Variants in SLC12A1 observed in about 807,000 individuals in gnomAD.
SLC12A1 encodes Na-K-2Cl cotransporter.
In SLC12A1, 89 loss-of-function variants were observed where a neutral mutation model predicts 130.4. The ratio of observed to expected loss-of-function variants is 0.68; its 90% confidence interval spans 0.58 to 0.81. SLC12A1 has a LOEUF of 0.81. SLC12A1 is among the 40% of genes least tolerant of loss of function. The pLI, the probability that SLC12A1 is intolerant of heterozygous loss-of-function variation, is 0.00. For synonymous variants in SLC12A1, 499 were observed against 460.0 expected (o/e 1.08, Z -1.09); for missense variants, 1,310 against 1,336.4 (o/e 0.98, Z 0.31).
intron 9 of SLC12A1, chr15:48,235,481 T>A (rs2041429675): frequency 5.3e-6 from 1 of 188,998 alleles, no homozygotes; most frequent in Non-Finnish European, 1.1e-5. Context: ...CCAGCAATAG[T>A]GGCCTAAACA....
rs2041931727 is a variant in SLC12A1, at chr15:48,274,645, A to G, written c.2477A>G (p.Gln826Arg). ...SQGFDISQVL[Q>R]VQEELERLEQ... ...GGATTTGACATCTCTCAGGTTCTTCAGGTGCAAGGTATGTACTTTCTTTAT... is the reference window on the plus strand; with the variant it reads ...GGATTTGACATCTCTCAGGTTCTTCGGGTGCAAGGTATGTACTTTCTTTAT... Residue 826 changes from glutamine (Q) to arginine (R), a missense_variant, in exon 20 of 27, where the codon CAG (glutamine) becomes CGG (arginine). Physicochemically the swap from Gln to Arg is conservative, Grantham distance 43 (BLOSUM62 1). Transcript: ENST00000380993. 2 of 1,608,720 alleles carry G rather than the reference A, an allele frequency of 1.2e-6. No individual in the cohort carries two copies. Among genetic ancestry groups the G allele is most frequent in the Admixed American group, 1.7e-5 (1 of 59,954 alleles).
intron 25 of SLC12A1, among the ~76,000 whole-genome samples, chr15:48,299,595 TG>T (rs1374621329): frequency 1.3e-5 from 2 of 152,242 alleles, no homozygotes; most frequent in African/African-American, 4.8e-5. Flanking sequence ...TGAGTCAATA[TG>T]TGTGCAAAGT....
intron 11 of SLC12A1, among the ~76,000 whole-genome samples, chr15:48,245,704 A>G (rs2041570771): frequency 6.6e-6 from 1 of 152,164 alleles, no homozygotes; most frequent in Non-Finnish European, 1.5e-5. Context: ...TGTCTTTGCT[A>G]TTGTGAATAG....
intron 2 of SLC12A1, among the ~76,000 whole-genome samples, chr15:48,219,353 C>G (rs905905712): frequency 6.6e-6 from 1 of 151,984 alleles, no homozygotes; most frequent in African/African-American, 2.4e-5. Flanking sequence ...GTCAAGAGAT[C>G]AGGACCATCC....
intron 26 of SLC12A1, among the ~76,000 whole-genome samples, 160 bp downstream of exon 26, chr15:48,301,542 G>A (rs1028832033): frequency 5.3e-5 from 8 of 149,820 alleles, no homozygotes; most frequent in African/African-American, 2.0e-4. Context: ...AGTGAAGGAA[G>A]GTAAGTGCCA....
In SLC12A1 at chr15:48,295,876, T is replaced by C. The variant is rs1237931853; in HGVS notation, c.2961-3264T>C. Among the ~76,000 whole-genome samples, 3 of 152,188 alleles carry C rather than the reference T, an allele frequency of 2.0e-5. 1 individual carries two copies. The highest frequency in any genetic ancestry group is 2.0e-4 in the Admixed American group (3 of 15,282). On this transcript the variant is annotated intron_variant, in intron 24 of 26. Transcript: ENST00000380993. ...CCATATCTGATGTTGGCAATGGCTG[T>C]TCCAATACCTGAAAGTAACCCTAAT...
intron 15 of SLC12A1, among the ~76,000 whole-genome samples, chr15:48,253,606 T>G (rs2041671744): frequency 6.6e-6 from 1 of 152,264 alleles, no homozygotes; most frequent in Non-Finnish European, 1.5e-5. Context: ...GATGGTCATC[T>G]GAGTTGTTTT....
chr15:48,216,045 T>C (rs1445904423), intron 2 of SLC12A1, among the ~76,000 whole-genome samples: 1 of 152,152 alleles, frequency 6.6e-6, no homozygotes, highest in African/African-American at 2.4e-5. Flanking sequence ...ACAAAAGAAG[T>C]ATACATTTGG....
intron 18 of SLC12A1, 71 bp downstream of exon 18, chr15:48,267,772 A>C (rs1024890788): frequency 6.5e-7 from 1 of 1,534,650 alleles, no homozygotes; most frequent in African/African-American, 1.4e-5. Context: ...AAGGCTCCCA[A>C]AGTGAACAGC....
rs8030553 is a variant in SLC12A1, at chr15:48,265,186, G to A, written c.2155-2375G>A. Among the ~76,000 whole-genome samples the A allele has an allele frequency of 5.1e-3, 774 of 152,192 alleles. 7 individuals are homozygous for A. The highest frequency in any genetic ancestry group is 0.045 in the Middle Eastern group (13 of 292). On this transcript the variant is annotated intron_variant, in intron 17 of 26. Transcript: ENST00000380993. ...AGTGTGCTACAATGATGTTATAATC[G>A]TTTTTAGCAAAGAGAGATTCTGCAT...
chr15:48,293,770 C>T (rs1244848768), intron 24 of SLC12A1, among the ~76,000 whole-genome samples: 1 of 152,146 alleles, frequency 6.6e-6, no homozygotes. Context: ...AACTGCAAGG[C>T]GCTGTGGCTC....
chr15:48,283,907 A>G (rs1355414652), intron 20 of SLC12A1, among the ~76,000 whole-genome samples: 1 of 151,918 alleles, frequency 6.6e-6, no homozygotes, highest in Non-Finnish European at 1.5e-5. Context: ...TAGCACTGTC[A>G]TATGACTGCT....
chr15:48,275,731 T>C (rs541646516), intron 20 of SLC12A1, among the ~76,000 whole-genome samples: 13 of 152,206 alleles, frequency 8.5e-5, no homozygotes, highest in Admixed American at 6.5e-4. Context: ...TGTTACTGAA[T>C]TGAAAAGTAG....
chr15:48,268,980 T>C (rs1050122479), intron 18 of SLC12A1, among the ~76,000 whole-genome samples: 1 of 152,190 alleles, frequency 6.6e-6, no homozygotes, highest in Non-Finnish European at 1.5e-5. Context: ...CATATGAATT[T>C]CTTCACATAA....
chr15:48,241,484 A>C, intron 9 of SLC12A1, 31 bp from the exon 10 acceptor site: 1 of 1,474,270 alleles, frequency 6.8e-7, no homozygotes. Context: ...TCTGCTCTGT[A>C]TTCTTCTACC....
chr15:48,242,350 T>C (rs532170178), intron 10 of SLC12A1, among the ~76,000 whole-genome samples: 5 of 152,322 alleles, frequency 3.3e-5, no homozygotes, highest in Middle Eastern at 3.4e-3. Flanking sequence ...TGGACCACCA[T>C]GGAAGCCAAA....
rs983656377 is a variant in SLC12A1, at chr15:48,223,143, T to C, written c.628+2147T>C. 2.0e-5 allele frequency: 3 copies of C among 152,232 alleles called. No individual in the cohort carries two copies. In the South Asian group the frequency reaches 6.2e-4, roughly 31 times the overall value. The allele number at this position is 152,232 out of a possible 1,614,324, so 9.4% of individuals were successfully genotyped here. A position where few individuals can be genotyped will look rare whatever the true frequency, so the allele number is the denominator to read the frequency against. ...AAGGAGCAGGTTAATTCCTACCCAA[T>C]GAATTCTTTGAAGATAAAGCTAAAG... On this transcript the variant is annotated intron_variant, in intron 4 of 26. Transcript: ENST00000380993.
chr15:48,242,800 T>C (rs1479296632), intron 10 of SLC12A1, among the ~76,000 whole-genome samples: 1 of 152,124 alleles, frequency 6.6e-6, no homozygotes, highest in African/African-American at 2.4e-5. Context: ...AGACCATGTG[T>C]CAAAAATAAA....
intron 19 of SLC12A1, among the ~76,000 whole-genome samples, chr15:48,272,480 G>A (rs886218476): frequency 6.6e-6 from 1 of 152,124 alleles, no homozygotes; most frequent in African/African-American, 2.4e-5. Context: ...AGGCTGAAGT[G>A]CAGTGGCACA....
Sources: allele counts gnomAD v4.1 joint callset (sites outside exome capture counted in the v4.1 genomes callset), GRCh38; gene constraint gnomAD v4.1.1; transcripts MANE v1.5; gene names NCBI Gene and HGNC (gene_info 2026-07-23, HGNC 2026-07-21).